The following FNIP1 variants were observed in gnomAD, a reference collection of about 807,000 sequenced individuals.
The protein encoded by FNIP1 is folliculin interacting protein 1.
A neutral mutation model predicts 124.5 loss-of-function variants in FNIP1; 40 were observed. The observed-to-expected ratio is 0.32, with a 90% CI of 0.25 to 0.42. The LOEUF (loss-of-function observed/expected upper bound fraction) is 0.42, where lower values mean the gene tolerates loss of function less well. Among genes scored for constraint, FNIP1 ranks in the 10% least tolerant of loss-of-function variants. The pLI, the probability that FNIP1 is intolerant of heterozygous loss-of-function variation, is 1.00. For missense variants in FNIP1, 1,176 were observed against 1,403.7 expected, an observed-to-expected ratio of 0.84 and a Z score of 2.59; for synonymous variants, 472 against 470.6, an observed-to-expected ratio of 1.00 and a Z score of -0.04.
chr5:131,671,494 T>G lies in FNIP1; in HGVS notation c.2939+11A>C. 1 of 1,596,590 alleles carries G rather than the reference T, an allele frequency of 6.3e-7. No individual in the cohort carries two copies. The highest frequency in any genetic ancestry group is 1.7e-4 in the Middle Eastern group (1 of 5,982). Reference sequence around the variant, plus strand: ...TATAGGGCCCATTATAGGTGAAAACTTCCTACTTACCCAGGAAAAGGTATC... The same window carrying G: ...TATAGGGCCCATTATAGGTGAAAACGTCCTACTTACCCAGGAAAAGGTATC... On this transcript the variant is annotated intron_variant, in intron 14 of 17. Coordinates refer to ENST00000510461, the MANE Select transcript of FNIP1 (RefSeq NM_133372.3).
chr5:131,691,270 T>A (rs1768471206), intron 11 of FNIP1, among the ~76,000 whole-genome samples: 1 of 152,170 alleles, frequency 6.6e-6, no homozygotes, highest in Admixed American at 6.5e-5. Context: ...GAAGACATCT[T>A]GAAAGAAATT....
intron 9 of FNIP1, among the ~76,000 whole-genome samples, chr5:131,705,952 G>A (rs944773947): frequency 3.9e-5 from 6 of 152,058 alleles, no homozygotes; most frequent in Non-Finnish European, 5.9e-5. Context: ...CTACAACATC[G>A]ATAAACCTTG....
At chr5:131,736,264 T>G (rs1353491998) in intron 2 of FNIP1, among the ~76,000 whole-genome samples, 2 of 152,200 alleles carry the variant, frequency 1.3e-5, no homozygotes, top group Non-Finnish European at 2.9e-5. Flanking sequence ...CAGGCCTTAA[T>G]GTACATTTTC....
At chr5:131,776,017 A>G (rs1049572299) in intron 1 of FNIP1, among the ~76,000 whole-genome samples, 1 of 152,206 alleles carries the variant, frequency 6.6e-6, no homozygotes. Context: ...TACTTAAATG[A>G]CTTCAGCACA....
At chr5:131,737,890 C>A (rs188543117) in intron 2 of FNIP1, among the ~76,000 whole-genome samples, 1 of 152,146 alleles carries the variant, frequency 6.6e-6, no homozygotes, top group African/African-American at 2.4e-5. Flanking sequence ...TGCTTAACAG[C>A]GGTTGCCAAC....
chr5:131,776,798 G>A (rs184976439), intron 1 of FNIP1, among the ~76,000 whole-genome samples: 1 of 152,270 alleles, frequency 6.6e-6, no homozygotes, highest in East Asian at 1.9e-4. Flanking sequence ...AATGAAGTAG[G>A]TTCCAGGACA....
intron 6 of FNIP1, among the ~76,000 whole-genome samples, chr5:131,715,067 A>T (rs575930014): frequency 6.6e-6 from 1 of 152,380 alleles, no homozygotes; most frequent in East Asian, 1.9e-4. Flanking sequence ...AATGTTGCTC[A>T]TTATTTAAAG....
At chr5:131,663,571 A>T (rs191421265) in intron 15 of FNIP1, among the ~76,000 whole-genome samples, 282 of 152,360 alleles carry the variant, frequency 1.9e-3, no homozygotes, top group Non-Finnish European at 2.5e-3. Flanking sequence ...TTCAAAGTTT[A>T]TATATTTAGT....
At chr5:131,793,879 T>C (rs773842984) in intron 1 of FNIP1, among the ~76,000 whole-genome samples, 11 of 152,012 alleles carry the variant, frequency 7.2e-5, no homozygotes, top group Non-Finnish European at 1.6e-4. Context: ...ATTCCAGCAA[T>C]GAAAGCATGG....
At chr5:131,678,987 GA>G in intron 12 of FNIP1, 41 bp downstream of exon 12, 1 of 1,351,190 alleles carries the variant, frequency 7.4e-7, no homozygotes, top group African/African-American at 1.5e-5. Flanking sequence ...AATTGAGTTT[GA>G]TTACAATCTA....
At chr5:131,748,696 C>CA (rs56395331) in intron 1 of FNIP1, among the ~76,000 whole-genome samples, 70,449 of 99,330 alleles carry the variant, frequency 0.71, 24,016 homozygotes, top group Non-Finnish European at 0.77. Flanking sequence ...GACTCTGTCT[C>CA]AAAAAAAAAA....
rs866650539 is a variant in FNIP1, at chr5:131,647,843, A to G, written c.3307-638T>C. On this transcript the variant is annotated intron_variant, in intron 16 of 17. Transcript: ENST00000510461. Reference sequence around the variant, plus strand: ...TTCAGAATGTTGTGCAACCGTCACTACTATCCATTTCCAAAACTTTTTTCA... The same window carrying G: ...TTCAGAATGTTGTGCAACCGTCACTGCTATCCATTTCCAAAACTTTTTTCA... Among the ~76,000 whole-genome samples the G allele has an allele frequency of 1.7e-4, 26 of 152,284 alleles. No homozygotes were observed. The Middle Eastern group carries it at 0.01, about 60-fold the overall frequency.
intron 8 of FNIP1, among the ~76,000 whole-genome samples, chr5:131,708,405 T>C (rs1769184933): frequency 6.6e-6 from 1 of 152,192 alleles, no homozygotes; most frequent in Non-Finnish European, 1.5e-5. Flanking sequence ...CTAAAATTAC[T>C]CCTCCTTTTA....
intron 15 of FNIP1, among the ~76,000 whole-genome samples, chr5:131,653,364 C>A (rs1027627131): frequency 7.9e-5 from 12 of 151,868 alleles, no homozygotes; most frequent in African/African-American, 2.9e-4. Flanking sequence ...ATGGTGAAAC[C>A]CCAACTCTAC....
At chr5:131,677,954 G>A (rs2149517656) in intron 12 of FNIP1, 82 bp from the exon 13 acceptor site, 1 of 1,441,868 alleles carries the variant, frequency 6.9e-7, no homozygotes, top group East Asian at 2.4e-5. Flanking sequence ...GTAAGCAAGG[G>A]GAGTATATAT....
chr5:131,709,049 T>C (rs998854674), intron 8 of FNIP1, 152 bp downstream of exon 8: 8 of 613,914 alleles, frequency 1.3e-5, no homozygotes, highest in Non-Finnish European at 2.0e-5. Context: ...TGAAAAATAT[T>C]AAATTTATAA....
chr5:131,788,258 A>G (rs1475036304), intron 1 of FNIP1, among the ~76,000 whole-genome samples: 1 of 152,214 alleles, frequency 6.6e-6, no homozygotes, highest in Non-Finnish European at 1.5e-5. Context: ...CAAAATCAAG[A>G]GAGAGTAGAT....
intron 3 of FNIP1, among the ~76,000 whole-genome samples, chr5:131,725,062 A>C (rs1403942368): frequency 6.6e-6 from 1 of 151,962 alleles, no homozygotes; most frequent in Non-Finnish European, 1.5e-5. Flanking sequence ...TGGTCTATGT[A>C]TCTGTTTTGG....
intron 1 of FNIP1, among the ~76,000 whole-genome samples, chr5:131,765,753 A>G (rs1306036081): frequency 6.6e-6 from 1 of 152,100 alleles, no homozygotes. Flanking sequence ...TTTCCTCTGT[A>G]TTTCAGCAGA....
Sources: gnomAD v4.1 joint callset for allele counts (sites outside exome capture counted in the v4.1 genomes callset) on GRCh38, gnomAD v4.1.1 for gene constraint, MANE v1.5 for transcripts, NCBI Gene and HGNC (gene_info 2026-07-23, HGNC 2026-07-21) for gene names.